The following PARVA variants were observed in gnomAD, a reference collection of about 807,000 sequenced individuals.
The protein encoded by PARVA is alpha-parvin.
PARVA carries 25 observed loss-of-function variants against 52.6 expected under a neutral mutation model. That is an observed-to-expected ratio of 0.48 (90% CI 0.35 to 0.66). The LOEUF (loss-of-function observed/expected upper bound fraction) is 0.66. Among genes scored for constraint, PARVA ranks in the 30% least tolerant of loss-of-function variants. The pLI is 0.01. For synonymous variants in PARVA, 185 were observed against 179.1 expected, an observed-to-expected ratio of 1.03 and a Z score of -0.26; for missense variants, 373 against 450.9, an observed-to-expected ratio of 0.83 and a Z score of 1.56.
intron 1 of PARVA, among the ~76,000 whole-genome samples, chr11:12,445,043 C>G (rs1336190398): frequency 6.6e-6 from 1 of 152,068 alleles, no homozygotes; most frequent in Non-Finnish European, 1.5e-5. Context: ...GATTTTTAAC[C>G]CTTGAGTGCA....
At chr11:12,497,064 A>G (rs1326941766) in intron 5 of PARVA, among the ~76,000 whole-genome samples, 1 of 152,216 alleles carries the variant, frequency 6.6e-6, no homozygotes, top group African/African-American at 2.4e-5. Flanking sequence ...GAGCAAAGAT[A>G]TGGCTGAGAT....
rs1941810203 is a variant in PARVA, at chr11:12,534,330, C to A, written c.*6405C>A. Among the ~76,000 whole-genome samples the A allele has an allele frequency of 6.6e-6, 1 of 152,058 alleles. No homozygotes were observed. The highest frequency in any genetic ancestry group is 6.5e-5 in the Admixed American group (1 of 15,272). On this transcript the variant is annotated 3_prime_UTR_variant, in exon 13 of 13. Transcript: ENST00000334956. ...GCTTGAAATCTCCTTGGTTGGAAAC[C>A]AGTCCAGTGGGTGACTGGCCCAGAA...
At chr11:12,379,710 T>G (rs1043270375) in intron 1 of PARVA, among the ~76,000 whole-genome samples, 1 of 151,762 alleles carries the variant, frequency 6.6e-6, no homozygotes, top group Non-Finnish European at 1.5e-5. Context: ...TCAGACTTGA[T>G]GAAGAACTAG....
rs1564857435 is a variant in PARVA, at chr11:12,477,831, TTCTC to T, written c.298-8_298-5del. On this transcript the variant is annotated splice_polypyrimidine_tract_variant and intron_variant, in intron 3 of 12. Coordinates refer to ENST00000334956, the MANE Select transcript of PARVA (RefSeq NM_018222.5). ...CTTTTCTTACTATTGCACATTCCCTTTCTCTCTCTCTGTAGGTATTAATTGACTG... is the reference window on the plus strand; with the variant it reads ...CTTTTCTTACTATTGCACATTCCCTTTCTCTCTGTAGGTATTAATTGACTG... 7.4e-7 allele frequency: 1 copy of T among 1,352,436 alleles called. No individual in the cohort carries two copies. Among genetic ancestry groups the T allele is most frequent in the Admixed American group, 1.7e-5 (1 of 59,696 alleles). The allele number at this position is 1,352,436 out of a possible 1,614,324, so 83.8% of individuals were successfully genotyped here.
intron 6 of PARVA, among the ~76,000 whole-genome samples, chr11:12,505,546 G>A (rs995829310): frequency 3.3e-5 from 5 of 152,158 alleles, no homozygotes; most frequent in South Asian, 2.1e-4. Context: ...ATGACACCTC[G>A]GCCCTGCCTG....
chr11:12,448,914 CTCTG>C (rs1589961406), intron 1 of PARVA, among the ~76,000 whole-genome samples: 1 of 152,184 alleles, frequency 6.6e-6, no homozygotes, highest in African/African-American at 2.4e-5. Context: ...TCTCCCTTCT[CTCTG>C]TCTGTTATCT....
chr11:12,520,232 G>C (rs992380024), intron 12 of PARVA, among the ~76,000 whole-genome samples: 1 of 152,206 alleles, frequency 6.6e-6, no homozygotes, highest in Non-Finnish European at 1.5e-5. Context: ...TTATGACACA[G>C]GGCATTATGC....
Position 12,531,266 on chromosome 11 carries a change from A to C in PARVA, c.*3341A>C, listed in dbSNP as rs1190205377. On this transcript the variant is annotated 3_prime_UTR_variant, in exon 13 of 13. Coordinates refer to ENST00000334956, the MANE Select transcript of PARVA (RefSeq NM_018222.5). ...TCAGCACATCATCAGTGTTGCCTCGAGTTGGTTGCAATTTTCAATTGCTGC... is the reference window on the plus strand; with the variant it reads ...TCAGCACATCATCAGTGTTGCCTCGCGTTGGTTGCAATTTTCAATTGCTGC... Among the ~76,000 whole-genome samples, 1 of 152,104 alleles carries C rather than the reference A, an allele frequency of 6.6e-6. No individual in the cohort carries two copies. The highest frequency in any genetic ancestry group is 1.5e-5 in the Non-Finnish European group (1 of 68,022).
At position 12,530,215 on chromosome 11, in the gene PARVA, G is replaced by GTTCT. The variant is rs1941755176; in HGVS notation, c.*2293_*2296dup. 6.6e-6 allele frequency: 1 copy of GTTCT among 152,130 alleles called. No homozygotes were observed. The highest frequency in any genetic ancestry group is 1.5e-5 in the Non-Finnish European group (1 of 68,020). The allele number at this position is 152,130 out of a possible 1,614,324, so 9.4% of individuals were successfully genotyped here. On this transcript the variant is annotated 3_prime_UTR_variant, in exon 13 of 13. Transcript: ENST00000334956. ...TCAGAAAATTGTGTTTTGGGATTGA[G>GTTCT]TTCTTTGTCTCAGCCCAGAATCCCA...
chr11:12,444,907 A>G (rs1270132032), intron 1 of PARVA, among the ~76,000 whole-genome samples: 2 of 152,204 alleles, frequency 1.3e-5, no homozygotes, highest in Non-Finnish European at 2.9e-5. Context: ...CTGGTGGTCT[A>G]TCTGGAGTGT....
rs1941732691 is a variant in PARVA at position 12,528,552 on chromosome 11, C to T, written c.*627C>T. The T allele has an allele frequency of 1.3e-5, 2 of 153,320 alleles. No individual in the cohort carries two copies. The highest frequency in any genetic ancestry group is 1.9e-4 in the East Asian group (1 of 5,212). The allele number at this position is 153,320 out of a possible 1,614,324, so 9.5% of individuals were successfully genotyped here. A position where few individuals can be genotyped will look rare whatever the true frequency, so the allele number is the denominator to read the frequency against. On this transcript the variant is annotated 3_prime_UTR_variant, in exon 13 of 13. Transcript: ENST00000334956. ...CATTCCTCAATAGTAGACAGTACAA[C>T]ATGTTTATAACAAGCCAATTACATT...
chr11:12,517,472 A>T, intron 10 of PARVA, 138 bp from the exon 11 acceptor site: 1 of 668,516 alleles, frequency 1.5e-6, no homozygotes, highest in Non-Finnish European at 2.7e-6. Flanking sequence ...GTCTCGGGCC[A>T]CTGCCCCTAC....
At chr11:12,479,643 G>A (rs987993651) in intron 4 of PARVA, 1 of 151,660 alleles carries the variant, frequency 6.6e-6, no homozygotes, top group Admixed American at 6.6e-5. Context: ...TTTTTTTTGT[G>A]TTCCTCCCCA....
At position 12,473,814 on chromosome 11, in the gene PARVA, A is replaced by AC; in HGVS notation, c.210dup (p.Glu71ArgfsTer9). 6.4e-7 allele frequency: 1 copy of AC among 1,571,068 alleles called. No homozygotes were observed. The highest frequency in any genetic ancestry group is 8.6e-7 in the Non-Finnish European group (1 of 1,157,208). On this transcript the variant is annotated frameshift_variant, in exon 2 of 13. Transcript: ENST00000334956. LOFTEE classifies it high-confidence loss of function. ...CTCAGCCCAATTCCCTTTGAGCTGG[A>AC]CCCCGAGGACACGATGCTGGGTAAC...
At chr11:12,490,754 A>T (rs1227729760) in intron 4 of PARVA, among the ~76,000 whole-genome samples, 2 of 152,220 alleles carry the variant, frequency 1.3e-5, no homozygotes, top group Non-Finnish European at 2.9e-5. Flanking sequence ...TTTGTTAATT[A>T]AAACAAGATA....
At chr11:12,476,927 G>A (rs1260006087) in intron 3 of PARVA, among the ~76,000 whole-genome samples, 1 of 152,164 alleles carries the variant, frequency 6.6e-6, no homozygotes, top group Non-Finnish European at 1.5e-5. Context: ...ATAAGAAATT[G>A]GAGAAATGTC....
chr11:12,513,401 T>A (rs1331728745), intron 9 of PARVA, 41 bp downstream of exon 9: 1 of 1,561,936 alleles, frequency 6.4e-7, no homozygotes, highest in Non-Finnish European at 8.8e-7. Flanking sequence ...GGAAGCGAGA[T>A]GCAACAGAAC....
chr11:12,533,907 A>G lies in PARVA; in HGVS notation c.*5982A>G, dbSNP rs1198757463. ...CCATGGGCCGAGCACGGTGGCTCAC[A>G]CCTGTAATCCCAGCACTTTGGGAGG... On this transcript the variant is annotated 3_prime_UTR_variant, in exon 13 of 13. Transcript: ENST00000334956. Among the ~76,000 whole-genome samples the G allele has an allele frequency of 2.6e-5, 4 of 151,972 alleles. No homozygotes were observed. Among genetic ancestry groups the G allele is most frequent in the Non-Finnish European group, 4.4e-5 (3 of 67,988 alleles).
chr11:12,528,018 C>G lies in PARVA; in HGVS notation c.*93C>G. The stretch of plus-strand genomic sequence containing the variant: ...TGCCTTACCCTGCTTATTCCTGTCT[C>G]TTGCACTGTGCTCTCCCACAAGTCC... On this transcript the variant is annotated 3_prime_UTR_variant, in exon 13 of 13. Transcript: ENST00000334956. 1 of 876,498 alleles carries G rather than the reference C, an allele frequency of 1.1e-6. No individual in the cohort carries two copies. Among genetic ancestry groups the G allele is most frequent in the Non-Finnish European group, 2.0e-6 (1 of 512,270 alleles). 54.3% of individuals were successfully genotyped at this position (876,498 alleles called of 1,614,324 possible).
Sources: gnomAD v4.1 joint callset for allele counts (sites outside exome capture counted in the v4.1 genomes callset) on GRCh38, gnomAD v4.1.1 for gene constraint, MANE v1.5 for transcripts, NCBI Gene and HGNC (gene_info 2026-07-23, HGNC 2026-07-21) for gene names.